The following RERE variants were observed in gnomAD, a reference collection of about 807,000 sequenced individuals.
RERE encodes the protein arginine-glutamic acid dipeptide repeats protein.
A neutral mutation model predicts 146.1 loss-of-function variants in RERE; 40 were observed. The observed-to-expected ratio is 0.27, with a 90% CI of 0.21 to 0.36. RERE has a LOEUF of 0.36. RERE is among the 10% of genes least tolerant of loss of function. The pLI is 1.00. For synonymous variants in RERE, 1,003 were observed against 866.0 expected (o/e 1.16, Z -2.78); for missense variants, 1,933 against 2,138.7 (o/e 0.90, Z 1.90).
chr1:8,741,428 T>C (rs1296808881), intron 1 of RERE, among the ~76,000 whole-genome samples: 1 of 152,184 alleles, frequency 6.6e-6, no homozygotes, highest in Non-Finnish European at 1.5e-5. Context: ...CATCTTGAAT[T>C]GTAAACCCCA....
intron 12 of RERE, among the ~76,000 whole-genome samples, chr1:8,387,474 C>T (rs1475118781): frequency 6.6e-6 from 1 of 152,064 alleles, no homozygotes; most frequent in African/African-American, 2.4e-5. Context: ...AGGATAAAAT[C>T]GTTAAAATTA....
chr1:8,360,593 G>C lies in RERE; in HGVS notation c.2914C>G (p.Leu972Val). Residue 972 changes from leucine (L) to valine (V), a missense_variant, in exon 18 of 23, where the codon CTG becomes GTG. Physicochemically the swap from Leu to Val is conservative, Grantham distance 32. Transcript: ENST00000400908. ...GGGTGATGTGTGGACAGGGAGCTCA[G>C]GGGCTTCAGGGCTGGAGGGGGAGGC... ...NLPPPPALKP[L>V]SSLSTHHPPS... 6.7e-7 allele frequency: 1 copy of C among 1,502,024 alleles called. No individual in the cohort carries two copies. Among genetic ancestry groups the C allele is most frequent in the Non-Finnish European group, 8.9e-7 (1 of 1,125,992 alleles). 93.0% of individuals were successfully genotyped at this position (1,502,024 alleles called of 1,614,324 possible).
intron 2 of RERE, among the ~76,000 whole-genome samples, chr1:8,653,154 G>C (rs1334599148): frequency 2.0e-5 from 3 of 152,124 alleles, no homozygotes; most frequent in Non-Finnish European, 4.4e-5. Context: ...CACTAATTCT[G>C]ACTCTCTCAT....
At chr1:8,741,531 C>G (rs904550996) in intron 1 of RERE, among the ~76,000 whole-genome samples, 3 of 152,162 alleles carry the variant, frequency 2.0e-5, no homozygotes, top group Non-Finnish European at 4.4e-5. Flanking sequence ...TCGTGATGGT[C>G]AGTGAGTTCT....
chr1:8,791,624 T>C (rs918722414), intron 1 of RERE, among the ~76,000 whole-genome samples: 12 of 152,312 alleles, frequency 7.9e-5, no homozygotes, highest in African/African-American at 2.9e-4. Flanking sequence ...ACAAGTTACA[T>C]TTCACTTACT....
At chr1:8,694,863 T>C (rs1386325636) in intron 1 of RERE, among the ~76,000 whole-genome samples, 1 of 151,240 alleles carries the variant, frequency 6.6e-6, no homozygotes. Context: ...TCTACAGATT[T>C]AATGCTATTC....
In RERE at chr1:8,355,135, C is replaced by T. The variant is rs375871951; in HGVS notation, c.4668-15G>A. ...TCTTCAGTCGACTGGAAAGACAAAA[C>T]AGGAAAGCGTATTTAGTCTCAGGCC... On this transcript the variant is annotated splice_polypyrimidine_tract_variant and intron_variant, in intron 22 of 22. Coordinates refer to ENST00000400908, the MANE Select transcript of RERE (RefSeq NM_001042681.2). 9.6e-5 allele frequency: 155 copies of T among 1,613,470 alleles called. No homozygotes were observed. Among genetic ancestry groups the T allele is most frequent in the Non-Finnish European group, 1.1e-4 (131 of 1,179,644 alleles).
At chr1:8,762,738 A>G (rs1390181160) in intron 1 of RERE, among the ~76,000 whole-genome samples, 1 of 152,214 alleles carries the variant, frequency 6.6e-6, no homozygotes, top group Non-Finnish European at 1.5e-5. Context: ...TGTTTAAAAC[A>G]GCCTCCTTAT....
At chr1:8,365,723 A>G in intron 13 of RERE, 89 bp downstream of exon 13, 1 of 1,461,042 alleles carries the variant, frequency 6.8e-7, no homozygotes, top group South Asian at 1.2e-5. Context: ...TGCTTCCCGG[A>G]GCCATCAGCT....
At chr1:8,426,090 T>C (rs1487440756) in intron 11 of RERE, among the ~76,000 whole-genome samples, 1 of 152,138 alleles carries the variant, frequency 6.6e-6, no homozygotes, top group Non-Finnish European at 1.5e-5. Context: ...CTGTTACCAT[T>C]TTCTATGAGT....
rs200422927 is a variant in RERE at position 8,771,134 on chromosome 1, GA to G, written c.-145+46025del. 5.6e-3 allele frequency among the ~76,000 whole-genome samples: 852 copies of G among 152,226 alleles called. 9 individuals carry two copies. Among genetic ancestry groups the G allele is most frequent in the African/African-American group, 0.019 (798 of 41,546 alleles). ...TGCAACAACCCACCTGCTGGGGGGG[GA>G]AAATGTAATGAAAAAGAAAATGCAT... On this transcript the variant is annotated intron_variant, in intron 1 of 22. Coordinates refer to ENST00000400908, the MANE Select transcript of RERE (RefSeq NM_001042681.2).
chr1:8,495,607 C>T (rs1265325325), intron 9 of RERE, among the ~76,000 whole-genome samples: 1 of 152,192 alleles, frequency 6.6e-6, no homozygotes, highest in African/African-American at 2.4e-5. Context: ...CCATCACGCC[C>T]AGACCAAAAA....
chr1:8,580,737 G>A (rs185939587), intron 4 of RERE, among the ~76,000 whole-genome samples: 1 of 152,090 alleles, frequency 6.6e-6, no homozygotes, highest in Non-Finnish European at 1.5e-5. Flanking sequence ...TGGAGACAGG[G>A]TCTCACTGTG....
chr1:8,539,551 G>T (rs573080876), intron 7 of RERE, among the ~76,000 whole-genome samples: 103 of 152,206 alleles, frequency 6.8e-4, no homozygotes, highest in African/African-American at 2.3e-3. Context: ...GATTAAAGGT[G>T]TGTGCCACCA....
intron 1 of RERE, among the ~76,000 whole-genome samples, chr1:8,813,014 C>G (rs1641842761): frequency 6.6e-6 from 1 of 151,992 alleles, no homozygotes; most frequent in South Asian, 2.1e-4. Flanking sequence ...CCAAAAGGCT[C>G]GGCAAAATCA....
In RERE at chr1:8,490,260, G is replaced by A. The variant is rs1211237431; in HGVS notation, c.1104+4803C>T. Reference sequence around the variant, plus strand: ...TGCCTGTAGCTACTCAGGAGGCTGAGGCAGGAGAACTGCTTAAACCTGGGA... The same window carrying A: ...TGCCTGTAGCTACTCAGGAGGCTGAAGCAGGAGAACTGCTTAAACCTGGGA... On this transcript the variant is annotated intron_variant, in intron 10 of 22. Coordinates refer to ENST00000400908, the MANE Select transcript of RERE (RefSeq NM_001042681.2). Among the ~76,000 whole-genome samples, 7 of 145,814 alleles carry A rather than the reference G, an allele frequency of 4.8e-5. 1 individual carries two copies. The highest frequency in any genetic ancestry group is 8.4e-5 in the African/African-American group (3 of 35,914).
intron 1 of RERE, among the ~76,000 whole-genome samples, chr1:8,678,297 G>A (rs1213976891): frequency 6.6e-6 from 1 of 151,902 alleles, no homozygotes; most frequent in East Asian, 1.9e-4. Flanking sequence ...TTTCATTAAC[G>A]TTTTTCTTAA....
intron 3 of RERE, among the ~76,000 whole-genome samples, chr1:8,615,564 TA>T (rs964809674): frequency 3.9e-5 from 6 of 151,992 alleles, no homozygotes; most frequent in Non-Finnish European, 5.9e-5. Flanking sequence ...TTGAATGAAC[TA>T]AAAAAAATCC....
chr1:8,439,946 C>G (rs1423417214), intron 11 of RERE, among the ~76,000 whole-genome samples: 1 of 152,024 alleles, frequency 6.6e-6, no homozygotes, highest in Non-Finnish European at 1.5e-5. Context: ...TGGTGGCAAA[C>G]GCCTGTAATC....
Sources: allele counts gnomAD v4.1 joint callset (sites outside exome capture counted in the v4.1 genomes callset), GRCh38; gene constraint gnomAD v4.1.1; transcripts MANE v1.5; gene names NCBI Gene and HGNC (gene_info 2026-07-23, HGNC 2026-07-21).